Variants in BAZ2B observed in about 807,000 individuals in gnomAD.
The protein encoded by BAZ2B is bromodomain adjacent to zinc finger domain 2B.
Under a neutral mutation model 246.0 loss-of-function variants are expected in BAZ2B, and 91 were observed. The observed-to-expected ratio is 0.37, with a 90% CI of 0.31 to 0.44. The LOEUF (loss-of-function observed/expected upper bound fraction) is 0.44. Among genes scored for constraint, BAZ2B ranks in the 20% least tolerant of loss-of-function variants. BAZ2B has a pLI of 1.00. For synonymous variants in BAZ2B, 855 were observed against 860.0 expected (o/e 0.99, Z 0.10); for missense variants, 2,332 against 2,533.7 (o/e 0.92, Z 1.71).
At chr2:159,402,181 C>CT (rs556367294) in intron 16 of BAZ2B, among the ~76,000 whole-genome samples, 137 of 152,178 alleles carry the variant, frequency 9.0e-4, no homozygotes, top group African/African-American at 3.0e-3. Flanking sequence ...AGTACTGTGG[C>CT]TCACACCTGT....
chr2:159,607,597 T>C (rs992120505), intron 1 of BAZ2B, among the ~76,000 whole-genome samples: 3 of 152,182 alleles, frequency 2.0e-5, no homozygotes, highest in Non-Finnish European at 2.9e-5. Flanking sequence ...CTTTTCCTTC[T>C]AGTGGAAGAG....
chr2:159,444,207 G>C (rs1379842235), intron 6 of BAZ2B: 1 of 152,080 alleles, frequency 6.6e-6, no homozygotes, highest in Non-Finnish European at 1.5e-5. Context: ...AGAGCCAAGA[G>C]CAGGTACAGA....
chr2:159,585,745 A>T (rs1340854314), intron 1 of BAZ2B, among the ~76,000 whole-genome samples: 3 of 152,232 alleles, frequency 2.0e-5, no homozygotes, highest in Non-Finnish European at 4.4e-5. Context: ...TTAGTTTTAT[A>T]ACTGTAATAT....
intron 25 of BAZ2B, among the ~76,000 whole-genome samples, chr2:159,380,770 T>C (rs1396102672): frequency 1.3e-5 from 2 of 152,150 alleles, no homozygotes; most frequent in Admixed American, 1.3e-4. Context: ...GAGTCTCTAA[T>C]GAGCTTCCCT....
intron 2 of BAZ2B, among the ~76,000 whole-genome samples, chr2:159,484,270 ATATAAC>A (rs1480847485): frequency 3.3e-5 from 5 of 152,368 alleles, no homozygotes; most frequent in Non-Finnish European, 7.3e-5. Context: ...TAGTAATTCT[ATATAAC>A]TATAATAGTA....
rs571573082 is a variant in BAZ2B, at chr2:159,451,578, T to C, written c.334+2035A>G. Among the ~76,000 whole-genome samples the C allele has an allele frequency of 6.2e-4, 94 of 152,326 alleles. No homozygotes were observed. In the Middle Eastern group the frequency reaches 0.024, roughly 39 times the overall value. The stretch of plus-strand genomic sequence containing the variant: ...GCTCATCTAGGCATACTTTTATCAC[T>C]AAAGACTCTGTCTTGTAATTGTCTG... On this transcript the variant is annotated intron_variant, in intron 4 of 36. Transcript: ENST00000392783.
At chr2:159,484,919 T>C (rs1162094562) in intron 2 of BAZ2B, among the ~76,000 whole-genome samples, 1 of 152,252 alleles carries the variant, frequency 6.6e-6, no homozygotes, top group Non-Finnish European at 1.5e-5. Flanking sequence ...GAAAGGACTT[T>C]TTTTAAAGAA....
chr2:159,654,768 C>T, the BAZ2B span, among the ~76,000 whole-genome samples: 1 of 152,110 alleles, frequency 6.6e-6, no homozygotes, highest in African/African-American at 2.4e-5. Flanking sequence ...GCTTCAAGAC[C>T]AGCCTGGGCA....
At chr2:159,352,809 G>T (rs1310998588) in intron 27 of BAZ2B, among the ~76,000 whole-genome samples, 1 of 152,036 alleles carries the variant, frequency 6.6e-6, no homozygotes, top group African/African-American at 2.4e-5. Flanking sequence ...TGCTATTATT[G>T]GATTCCAAAT....
chr2:159,641,731 T>C, the BAZ2B span, among the ~76,000 whole-genome samples: 1 of 152,220 alleles, frequency 6.6e-6, no homozygotes, highest in Non-Finnish European at 1.5e-5. Context: ...AGTTGATTTT[T>C]GTATATGGTG....
intron 27 of BAZ2B, among the ~76,000 whole-genome samples, chr2:159,364,276 C>T (rs2059999579): frequency 6.6e-6 from 1 of 152,174 alleles, no homozygotes; most frequent in Non-Finnish European, 1.5e-5. Flanking sequence ...GGTTTGGAGT[C>T]CATGTTACCT....
rs141732322 is a variant in BAZ2B, at chr2:159,498,883, T to A, written c.-2-20162A>T. Among the ~76,000 whole-genome samples the A allele has an allele frequency of 3.5e-3, 526 of 152,330 alleles. 4 individuals carry two copies. Among genetic ancestry groups the A allele is most frequent in the African/African-American group, 0.012 (488 of 41,572 alleles). On this transcript the variant is annotated intron_variant, in intron 2 of 36. Transcript: ENST00000392783. ...ACCCAAATATTAACATAAATAACGT[T>A]GACTTTTATTAAGCTGTTTTTCTAC...
chr2:159,443,105 C>G (rs1344785532), intron 6 of BAZ2B, among the ~76,000 whole-genome samples: 2 of 152,074 alleles, frequency 1.3e-5, no homozygotes, highest in African/African-American at 4.8e-5. Flanking sequence ...TGAGGAACTG[C>G]CATACTGTTT....
intron 1 of BAZ2B, among the ~76,000 whole-genome samples, chr2:159,556,348 G>A (rs1331090213): frequency 1.3e-5 from 2 of 150,006 alleles, no homozygotes; most frequent in East Asian, 1.9e-4. Context: ...TATGAATAGC[G>A]ACAAAATTAT....
At chr2:159,376,757 T>G (rs2061451059) in intron 25 of BAZ2B, among the ~76,000 whole-genome samples, 1 of 152,104 alleles carries the variant, frequency 6.6e-6, no homozygotes, top group South Asian at 2.1e-4. Context: ...AACTGCAATT[T>G]TTAAGACTCT....
chr2:159,593,215 C>T (rs533410586), intron 1 of BAZ2B, among the ~76,000 whole-genome samples: 1 of 152,176 alleles, frequency 6.6e-6, no homozygotes, highest in South Asian at 2.1e-4. Context: ...ATATTTCCAC[C>T]TTTAAATCTA....
intron 1 of BAZ2B, among the ~76,000 whole-genome samples, chr2:159,589,982 T>G (rs1578697365): frequency 6.7e-6 from 1 of 149,192 alleles, no homozygotes. Context: ...AGATCAGGAG[T>G]TTGAGACCAG....
rs748216532 is a variant in BAZ2B at position 159,350,016 on chromosome 2, T to C, written c.4555A>G (p.Asn1519Asp). Residue 1519 changes from asparagine to aspartate, a missense_variant, in exon 28 of 37, where the codon AAT becomes GAT. Physicochemically the swap from Asn to Asp is conservative, Grantham distance 23. Transcript: ENST00000392783. Reference sequence around the variant, plus strand: ...TTATTAGAGTCTGCCTTTTCCACATTGCTTTGCGTTGCTGTTGACTGAACG... The same window carrying C: ...TTATTAGAGTCTGCCTTTTCCACATCGCTTTGCGTTGCTGTTGACTGAACG... ...GSVQSTATQS[N>D]VEKADSNNLF... 24 of 1,614,088 alleles carry C rather than the reference T, an allele frequency of 1.5e-5. No homozygotes were observed. In the African/African-American group the frequency reaches 2.4e-4, roughly 16 times the overall value.
intron 1 of BAZ2B, among the ~76,000 whole-genome samples, chr2:159,598,373 T>A (rs1691274720): frequency 6.6e-6 from 1 of 152,216 alleles, no homozygotes; most frequent in Non-Finnish European, 1.5e-5. Context: ...AAGAATTGCA[T>A]GGGAACAGTG....
Sources: gnomAD v4.1 joint callset for allele counts (sites outside exome capture counted in the v4.1 genomes callset) on GRCh38, gnomAD v4.1.1 for gene constraint, MANE v1.5 for transcripts, NCBI Gene and HGNC (gene_info 2026-07-23, HGNC 2026-07-21) for gene names.